The following PCID2 variants were observed in gnomAD, a reference collection of about 807,000 sequenced individuals.
The protein encoded by PCID2 is PCI domain-containing protein 2.
A neutral mutation model predicts 61.3 loss-of-function variants in PCID2; 41 were observed. The observed-to-expected ratio is 0.67, with a 90% CI of 0.52 to 0.87. The LOEUF is 0.87. Ranked by LOEUF, PCID2 falls within the 40% of genes least tolerant of loss-of-function variation. The probability of loss-of-function intolerance (pLI) is 0.00; values close to 1 mark genes in which losing one functional copy is unlikely to be tolerated. For missense variants in PCID2, 392 were observed against 493.4 expected (o/e 0.79, Z 1.95); for synonymous variants, 187 against 177.8 (o/e 1.05, Z -0.41).
downstream of PCID2, among the ~76,000 whole-genome samples, chr13:113,174,450 TAACAA>T (rs1016286549): frequency 6.6e-5 from 10 of 152,132 alleles, no homozygotes; most frequent in Non-Finnish European, 1.2e-4. Flanking sequence ...TAAACAAATC[TAACAA>T]AACAGTAAAA....
At chr13:113,184,103 A>T in intron 9 of PCID2, 3 of 783,760 alleles carry the variant, frequency 3.8e-6, no homozygotes, top group Non-Finnish European at 4.6e-6. Flanking sequence ...TGCTCAGTGA[A>T]CTCAGAAACG....
chr13:113,172,692 C>T (rs567470627), downstream of PCID2, among the ~76,000 whole-genome samples: 76 of 152,298 alleles, frequency 5.0e-4, 1 homozygote, highest in South Asian at 0.014. Flanking sequence ...GGAGGCACGC[C>T]GGCGTCTCAC....
the PCID2 span, chr13:113,166,182 A>G: frequency 6.6e-6 from 1 of 152,248 alleles, no homozygotes; most frequent in Admixed American, 6.5e-5. Context: ...CACATAATTT[A>G]AAATTTTCTA....
the PCID2 span, among the ~76,000 whole-genome samples, chr13:113,167,163 A>T: frequency 6.6e-6 from 1 of 152,090 alleles, no homozygotes; most frequent in East Asian, 1.9e-4. Flanking sequence ...CTTACATCCT[A>T]GGGAAGAAGT....
At chr13:113,171,491 G>C in the PCID2 span, 4 of 1,473,504 alleles carry the variant, frequency 2.7e-6, no homozygotes, top group Non-Finnish European at 3.7e-6. The surrounding 1 kb of genome is among the most constrained non-coding windows in gnomAD (Gnocchi z 5.1). Context: ...GTCCTCCAGG[G>C]CCGGTCTCTC....
chr13:113,180,090 G>A, intron 11 of PCID2, 48 bp from the exon 12 acceptor site: 1 of 1,613,638 alleles, frequency 6.2e-7, no homozygotes, highest in Non-Finnish European at 8.5e-7. Context: ...TTCTCACAGA[G>A]CGTGCACGTC....
intron 6 of PCID2, among the ~76,000 whole-genome samples, chr13:113,194,227 C>T (rs946216997): frequency 3.3e-5 from 5 of 152,330 alleles, no homozygotes; most frequent in Admixed American, 6.5e-5. Context: ...GACTTCTTTG[C>T]GCCTGGCACT....
chr13:113,176,271 G>C (rs1413208264), downstream of PCID2, among the ~76,000 whole-genome samples: 1 of 152,262 alleles, frequency 6.6e-6, no homozygotes, highest in Non-Finnish European at 1.5e-5. Context: ...TTCTTCTTTA[G>C]TAAATTTTTT....
chr13:113,185,172 A>C (rs942988936), intron 8 of PCID2, among the ~76,000 whole-genome samples: 1 of 152,210 alleles, frequency 6.6e-6, no homozygotes, highest in Non-Finnish European at 1.5e-5. Context: ...TCTGGAGTGA[A>C]ACCGCCTGCA....
At chr13:113,181,342 T>G in intron 9 of PCID2, 112 bp from the exon 10 acceptor site, 1 of 623,926 alleles carries the variant, frequency 1.6e-6, no homozygotes, top group Non-Finnish European at 2.9e-6. Flanking sequence ...GCCCCCTCCC[T>G]TTATTATCTC....
At chr13:113,169,228 T>A in the PCID2 span, among the ~76,000 whole-genome samples, 1 of 152,274 alleles carries the variant, frequency 6.6e-6, no homozygotes, top group East Asian at 1.9e-4. Context: ...TCTTCTGCAA[T>A]GTCTAATCTG....
chr13:113,185,866 A>G (rs2038064382), intron 7 of PCID2: 2 of 266,390 alleles, frequency 7.5e-6, no homozygotes, highest in Admixed American at 4.9e-5. Flanking sequence ...ACAATGCGTA[A>G]AAGTTAATTG....
At chr13:113,207,348 A>G (rs925837380) in intron 1 of PCID2, among the ~76,000 whole-genome samples, 9 of 152,352 alleles carry the variant, frequency 5.9e-5, no homozygotes, top group Middle Eastern at 3.4e-3. Flanking sequence ...GGTATGGGGG[A>G]AAAATTGTAA....
chr13:113,188,335 AC>A (rs373783330), intron 7 of PCID2: 1,906 of 152,246 alleles, frequency 0.013, 17 homozygotes, highest in Middle Eastern at 0.02. Context: ...AGGCCATGTT[AC>A]CCCCACAGCA....
chr13:113,197,999 T>C (rs989164717), intron 3 of PCID2, among the ~76,000 whole-genome samples, 192 bp downstream of exon 3: 1 of 152,082 alleles, frequency 6.6e-6, no homozygotes, highest in African/African-American at 2.4e-5. Context: ...CTGTGTGATG[T>C]TAAAAATAGT....
intron 1 of PCID2, chr13:113,207,980 A>T: frequency 6.5e-7 from 1 of 1,537,474 alleles, no homozygotes; most frequent in Non-Finnish European, 9.0e-7. Flanking sequence ...TATGCGTTGA[A>T]TCTTTACAAG....
the PCID2 span, among the ~76,000 whole-genome samples, chr13:113,168,626 T>G: frequency 6.6e-6 from 1 of 152,260 alleles, no homozygotes; most frequent in Non-Finnish European, 1.5e-5. Flanking sequence ...ATTTTGAATT[T>G]AATTATACTG....
intron 1 of PCID2, among the ~76,000 whole-genome samples, chr13:113,205,005 C>T (rs2039703968): frequency 6.6e-6 from 1 of 152,192 alleles, no homozygotes; most frequent in South Asian, 2.1e-4. Flanking sequence ...TTGCTGCATG[C>T]CCCTCACGCC....
At chr13:113,200,375 G>T in intron 2 of PCID2, 52 bp downstream of exon 2, 2 of 1,020,556 alleles carry the variant, frequency 2.0e-6, no homozygotes, top group Admixed American at 1.8e-5. Context: ...TTAGGAAAGT[G>T]GTTACCCTGT....
Sources: allele counts gnomAD v4.1 joint callset (sites outside exome capture counted in the v4.1 genomes callset), GRCh38; gene constraint gnomAD v4.1.1; non-coding constraint Gnocchi (gnomAD v3.1); transcripts MANE v1.5; gene names NCBI Gene and HGNC (gene_info 2026-07-23, HGNC 2026-07-21).